The following COL20A1 variants were observed in gnomAD, a reference collection of about 807,000 sequenced individuals.
COL20A1 encodes the protein collagen type XX alpha 1 chain, also known as collagen alpha-1(XX) chain.
A neutral mutation model predicts 152.9 loss-of-function variants in COL20A1; 164 were observed. That is an observed-to-expected ratio of 1.07 (90% CI 0.94 to 1.22). COL20A1 has a LOEUF of 1.22. Among genes scored for constraint, COL20A1 ranks in the 50% most tolerant of loss-of-function variants. The probability of loss-of-function intolerance (pLI) is 0.00; values close to 1 mark genes in which losing one functional copy is unlikely to be tolerated. For missense variants in COL20A1, 1,873 were observed against 1,744.8 expected (o/e 1.07, Z -1.31); for synonymous variants, 864 against 756.0 (o/e 1.14, Z -2.34).
At chr20:63,315,122 T>G (rs2068068157) in intron 19 of COL20A1, among the ~76,000 whole-genome samples, 1 of 152,130 alleles carries the variant, frequency 6.6e-6, no homozygotes, top group African/African-American at 2.4e-5. Flanking sequence ...TCACACCCAG[T>G]GAGATGCCTG....
chr20:63,313,326 C>T lies in COL20A1; in HGVS notation c.2209+77C>T. On this transcript the variant is annotated intron_variant, in intron 17 of 35. Transcript: ENST00000358894. The surrounding 1 kb of genome is among the most constrained non-coding windows in gnomAD (Gnocchi z 5.9). ...GGGGATCCCTGACTCACCCGCTGCA[C>T]AGGCCCAGGACCCTAGACTCCCAGA... 2 of 1,478,414 alleles carry T rather than the reference C, an allele frequency of 1.4e-6. No individual in the cohort carries two copies. The highest frequency in any genetic ancestry group is 1.3e-5 in the South Asian group (1 of 77,708). 91.6% of individuals were successfully genotyped at this position (1,478,414 alleles called of 1,614,324 possible).
chr20:63,293,797 C>A (rs978486819), intron 1 of COL20A1, among the ~76,000 whole-genome samples: 174 of 150,528 alleles, frequency 1.2e-3, no homozygotes, highest in African/African-American at 4.1e-3. Context: ...AAGCCGGTGG[C>A]TTTCCCGCCG....
intron 26 of COL20A1, 48 bp from the exon 27 acceptor site, chr20:63,322,010 C>T (rs371580712): frequency 7.4e-6 from 11 of 1,479,338 alleles, no homozygotes; most frequent in African/African-American, 1.5e-5. Context: ...TGCTCCTCTA[C>T]CTTGGTTGGG....
At chr20:63,298,528 T>C (rs905177947) in intron 3 of COL20A1, among the ~76,000 whole-genome samples, 6 of 151,274 alleles carry the variant, frequency 4.0e-5, no homozygotes, top group Non-Finnish European at 5.9e-5. Context: ...GCTCAGGAGA[T>C]CCGCCCCCCT....
intron 3 of COL20A1, among the ~76,000 whole-genome samples, chr20:63,299,738 GA>G (rs2067842320): frequency 6.6e-6 from 1 of 152,014 alleles, no homozygotes; most frequent in Non-Finnish European, 1.5e-5. Context: ...TTTCTTCAGT[GA>G]GGTGGTTATT....
rs1267056871 is a variant in COL20A1, at chr20:63,331,143, C to G, written c.*427C>G. On this transcript the variant is annotated 3_prime_UTR_variant, in exon 36 of 36. Coordinates refer to ENST00000358894, the MANE Select transcript of COL20A1 (RefSeq NM_020882.4). ...ACATGCCCCGCCCCTTTCTCTGGGC[C>G]TCATCTAAGCCTGGCCAGGGCCCTG... 6.6e-6 allele frequency: 1 copy of G among 152,358 alleles called. No homozygotes were observed. The highest frequency in any genetic ancestry group is 1.5e-5 in the Non-Finnish European group (1 of 68,146). The allele number at this position is 152,358 out of a possible 1,614,324, so 9.4% of individuals were successfully genotyped here.
intron 26 of COL20A1, 124 bp downstream of exon 26, chr20:63,321,223 G>T: frequency 1.6e-6 from 1 of 636,348 alleles, no homozygotes. Context: ...CGCAGAGTTG[G>T]GATGTATTTC....
chr20:63,312,956 C>T, intron 16 of COL20A1, 22 bp downstream of exon 16: 2 of 1,533,914 alleles, frequency 1.3e-6, no homozygotes, highest in South Asian at 2.4e-5. Flanking sequence ...TGGGTTTGTC[C>T]TTCCGAGGGG....
Position 63,311,835 on chromosome 20 carries a change from C to T in COL20A1, c.1664-81C>T, listed in dbSNP as rs2068011306. ...TCCATGGCATGGGAGACCTCAGGCC[C>T]CCTCGGTCCCAGCCACTGCCCACCC... is the stretch of plus-strand genomic sequence containing the variant. On this transcript the variant is annotated intron_variant, in intron 13 of 35. Coordinates refer to ENST00000358894, the MANE Select transcript of COL20A1 (RefSeq NM_020882.4). The surrounding 1 kb of genome is among the most constrained non-coding windows in gnomAD (Gnocchi z 4.4). 6.6e-7 allele frequency: 1 copy of T among 1,514,062 alleles called. No homozygotes were observed. Among genetic ancestry groups the T allele is most frequent in the Non-Finnish European group, 8.8e-7 (1 of 1,132,930 alleles). 93.8% of individuals were successfully genotyped at this position (1,514,062 alleles called of 1,614,324 possible). A position where few individuals can be genotyped will look rare whatever the true frequency, so the allele number is the denominator to read the frequency against.
rs763533110 is a variant in COL20A1, at chr20:63,311,684, G to A, written c.1599G>A (p.Glu533=). ...GCCTGGAACCTGGCAGGGACTATGAGGTCTCGGTGCAGAGCCTGCGAGGCC... is the reference window on the plus strand; with the variant it reads ...GCCTGGAACCTGGCAGGGACTATGAAGTCTCGGTGCAGAGCCTGCGAGGCC... The part of the protein sequence containing the change: ...LDGLEPGRDY[E]VSVQSLRGPE... Residue 533 remains glutamate, a synonymous_variant, in exon 13 of 36, where the codon GAG becomes GAA. Transcript: ENST00000358894. The surrounding 1 kb of genome is among the most constrained non-coding windows in gnomAD (Gnocchi z 4.4). The A allele has an allele frequency of 3.1e-6, 5 of 1,607,840 alleles. No individual in the cohort carries two copies. The highest frequency in any genetic ancestry group is 8.5e-7 in the Non-Finnish European group (1 of 1,179,298).
chr20:63,305,464 A>T lies in COL20A1; in HGVS notation c.241A>T (p.Thr81Ser), dbSNP rs1214953759. The change falls in exon 4 of 36, where the codon ACA becomes TCA. Residue 81 changes from threonine to serine, a missense_variant. Physicochemically the swap from Thr to Ser is moderately conservative, Grantham distance 58. Transcript: ENST00000358894. The surrounding 1 kb of genome is among the most constrained non-coding windows in gnomAD (Gnocchi z 4.9). Reference protein sequence around the residue: ...VILTTKTPKATVGGLSPSKGY... With the variant: ...VILTTKTPKASVGGLSPSKGY... The stretch of plus-strand genomic sequence containing the variant: ...ACTGACCACCAAGACCCCTAAGGCC[A>T]CAGTGGGGGGCCTGAGCCCCTCCAA... 1 of 1,600,674 alleles carries T rather than the reference A, an allele frequency of 6.2e-7. No homozygotes were observed. The highest frequency in any genetic ancestry group is 1.1e-5 in the South Asian group (1 of 89,046).
At position 63,312,497 on chromosome 20, in the gene COL20A1, C is replaced by T; in HGVS notation, c.1881C>T (p.Thr627=). 1.9e-6 allele frequency: 3 copies of T among 1,608,848 alleles called. No homozygotes were observed. The highest frequency in any genetic ancestry group is 2.5e-6 in the Non-Finnish European group (3 of 1,178,730). The part of the protein sequence containing the change: ...SSSTTYTVRV[T]CLYPGGGSST... ...CCACCACCTACACTGTCCGTGTCAC[C>T]TGCCTCTACCCTGGGGGTGGCTCCT... The change falls in exon 15 of 36, where the codon ACC becomes ACT. Residue 627 remains threonine, a synonymous_variant. Transcript: ENST00000358894.
intron 10 of COL20A1, 62 bp from the exon 11 acceptor site, chr20:63,310,319 G>C: frequency 1.9e-6 from 3 of 1,576,584 alleles, no homozygotes; most frequent in Non-Finnish European, 2.6e-6. Flanking sequence ...CGGAGTTCCT[G>C]TCCTGCTCCC....
intron 27 of COL20A1, among the ~76,000 whole-genome samples, chr20:63,323,871 AT>A (rs11479500): frequency 0.042 from 6,449 of 152,294 alleles, 483 homozygotes; most frequent in African/African-American, 0.15. Flanking sequence ...GAATCGACTT[AT>A]CCGTTTAACC....
chr20:63,312,236 G>A (rs2068018433), intron 14 of COL20A1, among the ~76,000 whole-genome samples, 181 bp downstream of exon 14: 1 of 152,128 alleles, frequency 6.6e-6, no homozygotes, highest in Non-Finnish European at 1.5e-5. Flanking sequence ...AACCAGGCTG[G>A]GGAGGCCCAC....
At chr20:63,320,883 G>A (rs957751486) in intron 25 of COL20A1, 130 bp from the exon 26 acceptor site, 35 of 681,564 alleles carry the variant, frequency 5.1e-5, no homozygotes, top group Admixed American at 4.7e-4. Context: ...CCTGACCTTC[G>A]CCCCTGCCTC....
At chr20:63,295,614 C>T (rs567267090) in intron 2 of COL20A1, among the ~76,000 whole-genome samples, 1 of 152,196 alleles carries the variant, frequency 6.6e-6, no homozygotes, top group African/African-American at 2.4e-5. Context: ...AGCACCACCC[C>T]CTCCGTGCGC....
At chr20:63,314,224 GACCCAGGT>G (rs1245945536) in intron 19 of COL20A1, 23 bp downstream of exon 19, 1 of 1,545,516 alleles carries the variant, frequency 6.5e-7, no homozygotes, top group South Asian at 1.2e-5. Context: ...CAAGACCCCA[GACCCAGGT>G]AGACCCAGCC....
Position 63,329,629 on chromosome 20 carries a change from G to A in COL20A1, c.3826G>A (p.Gly1276Arg), listed in dbSNP as rs2068305703. The change falls in exon 35 of 36, where the codon GGG becomes AGG. Residue 1276 changes from glycine to arginine, a missense_variant. Physicochemically the swap from Gly to Arg is moderately radical, Grantham distance 125. Coordinates refer to ENST00000358894, the MANE Select transcript of COL20A1 (RefSeq NM_020882.4). ...VGQMGSPGQQ[G>R]ASTQGLWE ...TCAGATGGGCAGCCCTGGGCAGCAG[G>A]GGGCTAGCACCCAGGGCCTCTGGGA... is the stretch of plus-strand genomic sequence containing the variant. 1 of 1,605,856 alleles carries A rather than the reference G, an allele frequency of 6.2e-7. No individual in the cohort carries two copies. The highest frequency in any genetic ancestry group is 8.5e-7 in the Non-Finnish European group (1 of 1,178,388).
Sources: allele counts gnomAD v4.1 joint callset (sites outside exome capture counted in the v4.1 genomes callset), GRCh38; gene constraint gnomAD v4.1.1; non-coding constraint Gnocchi (gnomAD v3.1); transcripts MANE v1.5; gene names NCBI Gene and HGNC (gene_info 2026-07-23, HGNC 2026-07-21).